FRMD4A: variants seen among roughly 807,000 people sequenced by gnomAD.
The protein encoded by FRMD4A is FERM domain-containing protein 4A.
Under a neutral mutation model 129.1 loss-of-function variants are expected in FRMD4A, and 29 were observed. The ratio of observed to expected loss-of-function variants is 0.22; its 90% CI spans 0.17 to 0.31. FRMD4A has a LOEUF of 0.31. Ranked by LOEUF, FRMD4A falls within the 10% of genes least tolerant of loss-of-function variation. The pLI, the probability that FRMD4A is intolerant of heterozygous loss-of-function variation, is 1.00. For missense variants in FRMD4A, 1,272 were observed against 1,375.8 expected (o/e 0.92, Z 1.19); for synonymous variants, 634 against 571.6 (o/e 1.11, Z -1.56).
At chr10:13,654,624 C>T (rs2134587826) in intron 22 of FRMD4A, 112 bp from the exon 23 acceptor site, 1 of 681,668 alleles carries the variant, frequency 1.5e-6, no homozygotes, top group South Asian at 1.8e-5. Context: ...TCACCATTTC[C>T]AGGGATGCTG....
intron 2 of FRMD4A, among the ~76,000 whole-genome samples, chr10:13,956,612 G>C (rs904701790): frequency 6.6e-6 from 1 of 152,218 alleles, no homozygotes; most frequent in Non-Finnish European, 1.5e-5. Flanking sequence ...AAGTCACCAA[G>C]GCTCATCTTG....
At chr10:13,895,130 T>A (rs1023351100) in intron 2 of FRMD4A, among the ~76,000 whole-genome samples, 1 of 152,248 alleles carries the variant, frequency 6.6e-6, no homozygotes, top group African/African-American at 2.4e-5. Context: ...TGCAGGTTTG[T>A]TGCATAGGTA....
intron 12 of FRMD4A, among the ~76,000 whole-genome samples, chr10:13,722,131 A>G (rs948991756): frequency 3.3e-5 from 5 of 152,166 alleles, no homozygotes; most frequent in African/African-American, 4.8e-5. Flanking sequence ...GCATTGGCAA[A>G]GAGATTTGCA....
intron 2 of FRMD4A, among the ~76,000 whole-genome samples, chr10:13,957,236 G>A (rs554076926): frequency 6.6e-6 from 1 of 152,144 alleles, no homozygotes; most frequent in Non-Finnish European, 1.5e-5. Flanking sequence ...CAGTGTTTAT[G>A]TTTCTGCATC....
intron 2 of FRMD4A, among the ~76,000 whole-genome samples, chr10:14,327,323 G>A (rs1415209446): frequency 2.6e-5 from 4 of 152,236 alleles, no homozygotes; most frequent in Non-Finnish European, 5.9e-5. Context: ...TACTGCTCAT[G>A]TGCAAGGTTG....
intron 2 of FRMD4A, among the ~76,000 whole-genome samples, chr10:14,155,228 G>C (rs774752199): frequency 6.6e-6 from 1 of 152,232 alleles, no homozygotes; most frequent in African/African-American, 2.4e-5. Context: ...CCAGGAGTTG[G>C]AGGCTACAGT....
intron 8 of FRMD4A, among the ~76,000 whole-genome samples, chr10:13,750,762 C>T (rs999292970): frequency 3.9e-5 from 6 of 152,112 alleles, no homozygotes; most frequent in African/African-American, 1.2e-4. Context: ...GGGTTTGATC[C>T]AGGAGGCAGA....
chr10:13,999,489 T>C (rs1199430087), intron 2 of FRMD4A, among the ~76,000 whole-genome samples: 2 of 152,230 alleles, frequency 1.3e-5, no homozygotes, highest in Non-Finnish European at 2.9e-5. Context: ...TTCTAACCCT[T>C]ATTGGTTTTC....
intron 2 of FRMD4A, among the ~76,000 whole-genome samples, chr10:14,229,866 T>A (rs1254073045): frequency 1.3e-5 from 2 of 152,194 alleles, no homozygotes; most frequent in East Asian, 3.8e-4. Flanking sequence ...ACTCATACAA[T>A]CTAGCTATCC....
intron 2 of FRMD4A, among the ~76,000 whole-genome samples, chr10:13,956,613 G>T (rs1188422526): frequency 6.6e-6 from 1 of 152,192 alleles, no homozygotes; most frequent in African/African-American, 2.4e-5. Context: ...AGTCACCAAG[G>T]CTCATCTTGT....
At chr10:13,766,003 A>G (rs867581908) in intron 6 of FRMD4A, among the ~76,000 whole-genome samples, 2 of 152,258 alleles carry the variant, frequency 1.3e-5, no homozygotes, top group Non-Finnish European at 1.5e-5. Context: ...TGCGCAACTC[A>G]AAACCAACCA....
chr10:13,688,079 C>A (rs1467104949), intron 15 of FRMD4A, among the ~76,000 whole-genome samples: 1 of 152,202 alleles, frequency 6.6e-6, no homozygotes, highest in Non-Finnish European at 1.5e-5. Context: ...ATTGAGTCAT[C>A]TGCAGTGTGA....
intron 2 of FRMD4A, among the ~76,000 whole-genome samples, chr10:14,121,015 A>C (rs1443704543): frequency 6.6e-6 from 1 of 152,114 alleles, no homozygotes; most frequent in Non-Finnish European, 1.5e-5. Flanking sequence ...AGTATGCCTC[A>C]CCCTGTCATG....
chr10:14,139,955 G>A (rs1379611063), intron 2 of FRMD4A, among the ~76,000 whole-genome samples: 2 of 152,128 alleles, frequency 1.3e-5, no homozygotes, highest in Non-Finnish European at 2.9e-5. Flanking sequence ...AATGCATTGT[G>A]TATTTTCTTT....
At chr10:13,673,782 T>C (rs2083727748) in intron 16 of FRMD4A, among the ~76,000 whole-genome samples, 1 of 147,504 alleles carries the variant, frequency 6.8e-6, no homozygotes, top group Admixed American at 6.7e-5. Flanking sequence ...TTTTTTTTTT[T>C]TTTTTTTTTT....
In FRMD4A at chr10:14,077,585, G is replaced by A. The variant is rs141733608; in HGVS notation, c.46-218673C>T. Among the ~76,000 whole-genome samples the A allele has an allele frequency of 8.5e-5, 13 of 152,268 alleles. No homozygotes were observed. The South Asian group carries it at 1.7e-3, about 19-fold the overall frequency. On this transcript the variant is annotated intron_variant, in intron 2 of 24. Transcript: ENST00000357447. ...ACCCCCTTCCATTTGAGTGGTGAGC[G>A]TTTTCCTTGCCCTGCTATTAAGAGG...
chr10:14,250,052 C>A (rs189275821), intron 2 of FRMD4A, among the ~76,000 whole-genome samples: 1 of 150,880 alleles, frequency 6.6e-6, no homozygotes. Context: ...CTCCACCTCC[C>A]GGGTTCAAGT....
intron 2 of FRMD4A, among the ~76,000 whole-genome samples, chr10:14,013,982 C>T (rs566177814): frequency 2.6e-5 from 4 of 152,214 alleles, no homozygotes; most frequent in African/African-American, 9.6e-5. Flanking sequence ...CAGCCCATGA[C>T]AGCTCAGGCA....
Position 13,928,513 on chromosome 10 carries a change from C to T in FRMD4A, c.46-69601G>A, listed in dbSNP as rs12254247. The stretch of plus-strand genomic sequence containing the variant: ...GATCTACATGCACATTTTTTAAAGC[C>T]GTGGGATTAAAAAGATAAAGACCCT... On this transcript the variant is annotated intron_variant, in intron 2 of 24. Coordinates refer to ENST00000357447, the MANE Select transcript of FRMD4A (RefSeq NM_018027.5). 0.011 allele frequency among the ~76,000 whole-genome samples: 1,639 copies of T among 152,076 alleles called. 87 individuals carry two copies. The East Asian group carries it at 0.18, about 16-fold the overall frequency.
Sources: gnomAD v4.1 joint callset for allele counts (sites outside exome capture counted in the v4.1 genomes callset) on GRCh38, gnomAD v4.1.1 for gene constraint, MANE v1.5 for transcripts, NCBI Gene and HGNC (gene_info 2026-07-23, HGNC 2026-07-21) for gene names.